ZFAT: variants seen among roughly 807,000 people sequenced by gnomAD.
ZFAT encodes zinc finger and AT-hook domain containing.
ZFAT carries 64 observed loss-of-function variants against 117.7 expected under a neutral mutation model. The observed-to-expected ratio is 0.54, with a 90% CI of 0.44 to 0.67. ZFAT has a LOEUF of 0.67. Among genes scored for constraint, ZFAT ranks in the 30% least tolerant of loss-of-function variants. The pLI is 0.00. For missense variants in ZFAT, 1,433 were observed against 1,584.5 expected, an observed-to-expected ratio of 0.90 and a Z score of 1.62; for synonymous variants, 679 against 615.0, an observed-to-expected ratio of 1.10 and a Z score of -1.54.
At chr8:134,526,865 G>T (rs953651901) in intron 12 of ZFAT, among the ~76,000 whole-genome samples, 1 of 150,688 alleles carries the variant, frequency 6.6e-6, no homozygotes, top group Non-Finnish European at 1.5e-5. Context: ...TTTTTGAGAT[G>T]AGCCACTGCA....
chr8:134,585,091 T>C (rs903712368), intron 9 of ZFAT, among the ~76,000 whole-genome samples: 7 of 152,178 alleles, frequency 4.6e-5, no homozygotes, highest in Non-Finnish European at 1.0e-4. Flanking sequence ...GTTTGGGTCA[T>C]AGTTCTCATC....
the ZFAT span, chr8:134,783,742 T>C: frequency 6.6e-6 from 1 of 152,180 alleles, no homozygotes; most frequent in African/African-American, 2.4e-5. Flanking sequence ...TTAAAATCAG[T>C]ACAGTTTTAA....
intron 1 of ZFAT, among the ~76,000 whole-genome samples, chr8:134,688,823 C>T (rs1833462150): frequency 6.6e-6 from 1 of 152,212 alleles, no homozygotes; most frequent in Non-Finnish European, 1.5e-5. Context: ...GAGCTTGCTG[C>T]AGCCTCAGGG....
At chr8:134,698,270 G>A (rs1311026817) in intron 1 of ZFAT, among the ~76,000 whole-genome samples, 2 of 150,164 alleles carry the variant, frequency 1.3e-5, no homozygotes, top group African/African-American at 4.9e-5. Flanking sequence ...AGCTGAGTGA[G>A]CTGAGATCAC....
the ZFAT span, chr8:134,764,954 T>G: frequency 5.3e-5 from 8 of 152,260 alleles, no homozygotes; most frequent in Non-Finnish European, 1.2e-4. Flanking sequence ...GAGAAGAACA[T>G]GGCAGTATAC....
rs758814797 is a variant in ZFAT at position 134,512,520 on chromosome 8, C to T, written c.3316G>A (p.Ala1106Thr). Residue 1106 changes from alanine (A) to threonine (T), a missense_variant, in exon 14 of 16, where the codon GCA becomes ACA. Ala to Thr is a moderately conservative substitution (Grantham distance 58). Transcript: ENST00000377838. Reference sequence around the variant, plus strand: ...AGGTCCTGGAGCGCGGCCACCGCTGCCTGTGTCCCTTGAACGTCTTCTTCG... The same window carrying T: ...AGGTCCTGGAGCGCGGCCACCGCTGTCTGTGTCCCTTGAACGTCTTCTTCG... ...EAEEDVQGTQ[A>T]AVAALQDLRY... 25 of 1,614,016 alleles carry T rather than the reference C, an allele frequency of 1.5e-5. No homozygotes were observed. The highest frequency in any genetic ancestry group is 1.9e-5 in the Non-Finnish European group (23 of 1,179,896).
chr8:134,613,810 C>T (rs1828527072), intron 3 of ZFAT, among the ~76,000 whole-genome samples: 1 of 152,162 alleles, frequency 6.6e-6, no homozygotes, highest in Non-Finnish European at 1.5e-5. Flanking sequence ...TTGCTATGTC[C>T]ACTGCCAGAA....
chr8:134,615,469 G>A (rs1176863125), intron 3 of ZFAT, among the ~76,000 whole-genome samples: 3 of 152,080 alleles, frequency 2.0e-5, no homozygotes, highest in South Asian at 2.1e-4. Context: ...GATTACATGC[G>A]TGAGCTACTG....
chr8:134,519,584 T>C (rs982565198), intron 13 of ZFAT, among the ~76,000 whole-genome samples: 1 of 152,236 alleles, frequency 6.6e-6, no homozygotes, highest in African/African-American at 2.4e-5. Context: ...AGCTTTTCAT[T>C]CATTCTTTTG....
chr8:134,740,174 G>A, the ZFAT span, among the ~76,000 whole-genome samples: 3 of 152,132 alleles, frequency 2.0e-5, no homozygotes, highest in African/African-American at 4.8e-5. Flanking sequence ...CCCTTGTCTC[G>A]GGGAAATCCA....
chr8:134,693,470 G>A (rs1423509175), intron 1 of ZFAT, among the ~76,000 whole-genome samples: 3 of 152,178 alleles, frequency 2.0e-5, no homozygotes. Flanking sequence ...TCCTTACACA[G>A]ACAACTAGTA....
At chr8:134,565,137 G>A in intron 11 of ZFAT, 196 bp downstream of exon 11, 5 of 1,524,390 alleles carry the variant, frequency 3.3e-6, no homozygotes, top group Non-Finnish European at 4.4e-6. Context: ...CCAAATTACA[G>A]AGCAATGCTA....
the ZFAT span, among the ~76,000 whole-genome samples, chr8:134,790,610 C>G: frequency 6.6e-6 from 1 of 151,228 alleles, no homozygotes; most frequent in Admixed American, 6.6e-5. Flanking sequence ...CTCACACCTT[C>G]TGTTTTCTCC....
chr8:134,513,134 C>T (rs1024336095), intron 13 of ZFAT, among the ~76,000 whole-genome samples: 10 of 151,064 alleles, frequency 6.6e-5, no homozygotes, highest in Non-Finnish European at 1.5e-4. Context: ...TTACACAGCA[C>T]GTGGAGAGCA....
In ZFAT at chr8:134,657,074, A is replaced by C. The variant is rs774973438; in HGVS notation, c.196+487T>G. On this transcript the variant is annotated intron_variant, in intron 2 of 15. Transcript: ENST00000377838. ...TAAGATTATATAGACTTATTTATTA[A>C]TCATGTACGTTAGAACAACAGCTTC... Among the ~76,000 whole-genome samples, 16 of 152,342 alleles carry C rather than the reference A, an allele frequency of 1.1e-4. No individual in the cohort carries two copies. In the East Asian group the frequency reaches 2.9e-3, roughly 28 times the overall value.
intron 7 of ZFAT, among the ~76,000 whole-genome samples, chr8:134,591,629 A>G (rs1279953034): frequency 1.3e-5 from 2 of 152,214 alleles, no homozygotes. Flanking sequence ...TAATCCAGTT[A>G]AAATGAGGTC....
At chr8:134,589,540 C>A (rs1164835884) in intron 8 of ZFAT, among the ~76,000 whole-genome samples, 1 of 152,246 alleles carries the variant, frequency 6.6e-6, no homozygotes, top group Non-Finnish European at 1.5e-5. Flanking sequence ...CTGGGCCTGC[C>A]TGTAGAGGCA....
chr8:134,495,835 T>C (rs1818394972), intron 15 of ZFAT, among the ~76,000 whole-genome samples: 1 of 151,244 alleles, frequency 6.6e-6, no homozygotes, highest in South Asian at 2.1e-4. Flanking sequence ...GAGGCTGGAG[T>C]GGGAGGATCG....
At chr8:134,821,635 T>C in the ZFAT span, among the ~76,000 whole-genome samples, 6 of 152,112 alleles carry the variant, frequency 3.9e-5, no homozygotes, top group South Asian at 4.2e-4. Flanking sequence ...TTAAGAGTTA[T>C]TGTGTACAAG....
Sources: gnomAD v4.1 joint callset for allele counts (sites outside exome capture counted in the v4.1 genomes callset) on GRCh38, gnomAD v4.1.1 for gene constraint, MANE v1.5 for transcripts, NCBI Gene and HGNC (gene_info 2026-07-23, HGNC 2026-07-21) for gene names.